TRRAP: variants seen among roughly 807,000 people sequenced by gnomAD.
TRRAP encodes the protein transformation/transcription domain associated protein.
TRRAP carries 41 observed loss-of-function variants against 438.8 expected under a neutral mutation model. That is an observed-to-expected ratio of 0.09 (90% CI 0.07 to 0.12). The LOEUF is 0.12. Ranked by LOEUF, TRRAP falls within the 10% of genes least tolerant of loss-of-function variation. The probability of loss-of-function intolerance (pLI) is 1.00; values close to 1 mark genes in which losing one functional copy is unlikely to be tolerated. For synonymous variants in TRRAP, 1,994 were observed against 1,962.9 expected, an observed-to-expected ratio of 1.02 and a Z score of -0.42; for missense variants, 3,122 against 5,055.1, an observed-to-expected ratio of 0.62 and a Z score of 11.60.
intron 32 of TRRAP, 34 bp from the exon 33 acceptor site, chr7:98,945,896 C>T: frequency 6.4e-7 from 1 of 1,555,090 alleles, no homozygotes; most frequent in Non-Finnish European, 8.6e-7. Flanking sequence ...TTTCTGTTGC[C>T]TTTTTTCATG....
intron 67 of TRRAP, among the ~76,000 whole-genome samples, chr7:99,002,698 G>A (rs1361313786): frequency 1.3e-5 from 2 of 151,984 alleles, no homozygotes; most frequent in Non-Finnish European, 1.5e-5. Flanking sequence ...AGCTTAAAAT[G>A]AAAGGGAAAC....
At chr7:98,955,518 G>A (rs375099077) in intron 41 of TRRAP, among the ~76,000 whole-genome samples, 13 of 152,302 alleles carry the variant, frequency 8.5e-5, no homozygotes, top group South Asian at 4.1e-4. Context: ...GTGTCTTTGC[G>A]TCTGAGGCTA....
chr7:99,011,995 C>A lies in TRRAP; in HGVS notation c.11338-76C>A. On this transcript the variant is annotated intron_variant, in intron 72 of 72. Transcript: ENST00000456197. The surrounding 1 kb of genome is among the most constrained non-coding windows in gnomAD (Gnocchi z 7.1). The stretch of plus-strand genomic sequence containing the variant: ...CCCTGAGCGGCCGCTGTGGTTGAGT[C>A]CCACCTTGTTAGGAAGCTGCCCCTG... 1 of 1,554,212 alleles carries A rather than the reference C, an allele frequency of 6.4e-7. No homozygotes were observed. Among genetic ancestry groups the A allele is most frequent in the Non-Finnish European group, 8.7e-7 (1 of 1,145,688 alleles).
intron 18 of TRRAP, among the ~76,000 whole-genome samples, chr7:98,914,499 T>C (rs150176275): frequency 4.6e-5 from 7 of 152,024 alleles, no homozygotes; most frequent in Admixed American, 2.0e-4. Context: ...GCATTAGATA[T>C]GACTATGCAG....
chr7:98,979,307 C>T (rs1792808005), intron 58 of TRRAP, among the ~76,000 whole-genome samples: 1 of 152,168 alleles, frequency 6.6e-6, no homozygotes, highest in Admixed American at 6.5e-5. Flanking sequence ...ACACTCAAGT[C>T]CCTGATATAA....
intron 43 of TRRAP, 142 bp from the exon 44 acceptor site, chr7:98,957,839 T>C (rs1449208697): frequency 2.8e-6 from 2 of 713,508 alleles, no homozygotes; most frequent in Non-Finnish European, 4.9e-6. Flanking sequence ...ACAGACCACA[T>C]CTGTCTTTGG....
intron 33 of TRRAP, among the ~76,000 whole-genome samples, chr7:98,947,926 C>T (rs892508950): frequency 1.3e-5 from 2 of 152,186 alleles, no homozygotes; most frequent in African/African-American, 4.8e-5. Context: ...GTCACCTTTA[C>T]CACTTGTGAG....
At chr7:98,968,379 T>G (rs564531993) in intron 51 of TRRAP, among the ~76,000 whole-genome samples, 2 of 151,966 alleles carry the variant, frequency 1.3e-5, no homozygotes, top group Non-Finnish European at 2.9e-5. Flanking sequence ...ACGCTGTCGG[T>G]TTTGGTTCCT....
At chr7:98,882,754 C>A (rs1304590273) in intron 3 of TRRAP, among the ~76,000 whole-genome samples, 2 of 152,084 alleles carry the variant, frequency 1.3e-5, no homozygotes, top group Non-Finnish European at 2.9e-5. Context: ...CTCCACCTCC[C>A]GGATTCAAGC....
At chr7:98,949,975 G>C in intron 37 of TRRAP, 89 bp from the exon 38 acceptor site, 2 of 1,581,818 alleles carry the variant, frequency 1.3e-6, no homozygotes, top group Non-Finnish European at 1.7e-6. Context: ...AATGGGCTGT[G>C]TCTCTGAGCT....
chr7:98,916,119 T>C (rs1304116270), intron 19 of TRRAP, among the ~76,000 whole-genome samples: 1 of 151,906 alleles, frequency 6.6e-6, no homozygotes, highest in African/African-American at 2.4e-5. Flanking sequence ...TCCTCAGCAT[T>C]GAATGGGATT....
In TRRAP at chr7:98,994,519, C is replaced by T. The variant is rs544093599; in HGVS notation, c.10048-68C>T. 1.4e-4 allele frequency: 226 copies of T among 1,598,242 alleles called. 1 individual carries two copies. Among genetic ancestry groups the T allele is most frequent in the South Asian group, 1.1e-3 (99 of 88,226 alleles). On this transcript the variant is annotated intron_variant, in intron 66 of 72. Coordinates refer to ENST00000456197, the MANE Select transcript of TRRAP (RefSeq NM_001375524.1). The surrounding 1 kb of genome is among the most constrained non-coding windows in gnomAD (Gnocchi z 4.8). Reference sequence around the variant, plus strand: ...GGCTGGGAGGGCCGCACTCAATAGGCGCTTTTGGCTGCTGGTTCTGGAGTG... The same window carrying T: ...GGCTGGGAGGGCCGCACTCAATAGGTGCTTTTGGCTGCTGGTTCTGGAGTG...
At position 98,890,368 on chromosome 7, in the gene TRRAP, C is replaced by T. The variant is rs143708233; in HGVS notation, c.184C>T (p.Leu62=). The T allele has an allele frequency of 1.2e-4, 198 of 1,604,772 alleles. 1 individual carries two copies. Among genetic ancestry groups the T allele is most frequent in the Non-Finnish European group, 1.6e-4 (193 of 1,177,400 alleles). The change falls in exon 4 of 73, where the codon CTA becomes TTA. Residue 62 remains leucine, a synonymous_variant. Transcript: ENST00000456197. The part of the protein sequence containing the change: ...VTSSPQYSTF[L]EHIIPRFLTF... Reference sequence around the variant, plus strand: ...GTCATCTCCTCAGTATTCTACATTCCTAGAACATATCATCCCTCGATTCCT... The same window carrying T: ...GTCATCTCCTCAGTATTCTACATTCTTAGAACATATCATCCCTCGATTCCT...
In TRRAP at chr7:98,964,653, C is replaced by T; in HGVS notation, c.6854C>T (p.Ala2285Val). The stretch of plus-strand genomic sequence containing the variant: ...GGGACCCTTATGATCCTCAAGTCTG[C>T]CTGCAGCAACAACCCCAGCTACATA... Reference protein sequence around the residue: ...LFGTLMILKSACSNNPSYIDR... With the variant: ...LFGTLMILKSVCSNNPSYIDR... Residue 2285 changes from alanine (A) to valine (V), a missense_variant, in exon 48 of 73, where the codon GCC becomes GTC. Coordinates refer to ENST00000456197, the MANE Select transcript of TRRAP (RefSeq NM_001375524.1). 6.2e-7 allele frequency: 1 copy of T among 1,613,730 alleles called. No homozygotes were observed.
Position 99,004,185 on chromosome 7 carries a change from T to G in TRRAP, c.10310-5T>G. 1 of 1,604,788 alleles carries G rather than the reference T, an allele frequency of 6.2e-7. No homozygotes were observed. The highest frequency in any genetic ancestry group is 8.5e-7 in the Non-Finnish European group (1 of 1,177,508). On this transcript the variant is annotated splice_region_variant and splice_polypyrimidine_tract_variant and intron_variant, in intron 67 of 72. Coordinates refer to ENST00000456197, the MANE Select transcript of TRRAP (RefSeq NM_001375524.1). ...AAACGTTTTTAATCATGTTTTATTTTTAAGATTTTGACTTCAGCGTTCCAG... is the reference window on the plus strand; with the variant it reads ...AAACGTTTTTAATCATGTTTTATTTGTAAGATTTTGACTTCAGCGTTCCAG...
intron 6 of TRRAP, among the ~76,000 whole-genome samples, chr7:98,894,823 G>A (rs1330926323): frequency 8.7e-6 from 1 of 114,464 alleles, no homozygotes; most frequent in African/African-American, 3.2e-5. Context: ...TTTTAGTAGA[G>A]ATGGGGTTTC....
Position 98,962,426 on chromosome 7 carries a change from C to G in TRRAP, c.6828C>G (p.Phe2276Leu), listed in dbSNP as rs200266535. ...KATNANPSQL[F>L]GTLMILKSAC... is the part of the protein sequence containing the mutation. ...CCAATGCCAATCCCTCCCAGCTCTTCGGTGAGTGTGTGTCTGTCCTGGTGT... is the reference window on the plus strand; with the variant it reads ...CCAATGCCAATCCCTCCCAGCTCTTGGGTGAGTGTGTGTCTGTCCTGGTGT... The change falls in exon 47 of 73, where the codon TTC (phenylalanine) becomes TTG (leucine). Residue 2276 changes from phenylalanine (F) to leucine (L), a missense_variant and splice_region_variant. By Grantham distance (22) the Phe-to-Leu change is conservative (BLOSUM62 0). Around this residue, in one of 24 missense-constraint regions of TRRAP, gnomAD observed 992 missense variants for 1,281.2 expected, o/e 0.77. Transcript: ENST00000456197. 1.9e-6 allele frequency: 3 copies of G among 1,614,222 alleles called. No individual in the cohort carries two copies. Among genetic ancestry groups the G allele is most frequent in the Middle Eastern group, 1.6e-4 (1 of 6,062 alleles).
chr7:98,963,907 C>A (rs1423403063), intron 47 of TRRAP, among the ~76,000 whole-genome samples: 1 of 151,812 alleles, frequency 6.6e-6, no homozygotes, highest in Admixed American at 6.6e-5. Context: ...ATGGTGAAAC[C>A]CCGTCTCTAC....
At position 98,929,810 on chromosome 7, in the gene TRRAP, G is replaced by T. The variant is rs547930618; in HGVS notation, c.3176-179G>T. On this transcript the variant is annotated intron_variant, in intron 23 of 72. Coordinates refer to ENST00000456197, the MANE Select transcript of TRRAP (RefSeq NM_001375524.1). ...GGTTTCACCATGTTGGACTAGGCTGGTCTCAAACTTCTATGTCAAGTGATC... is the reference window on the plus strand; with the variant it reads ...GGTTTCACCATGTTGGACTAGGCTGTTCTCAAACTTCTATGTCAAGTGATC... Among the ~76,000 whole-genome samples, 210 of 152,118 alleles carry T rather than the reference G, an allele frequency of 1.4e-3. 2 individuals carry two copies. Among genetic ancestry groups the T allele is most frequent in the African/African-American group, 4.9e-3 (204 of 41,496 alleles).
Sources: allele counts gnomAD v4.1 joint callset (sites outside exome capture counted in the v4.1 genomes callset), GRCh38; gene constraint gnomAD v4.1.1; regional missense constraint gnomAD v4.1.1; non-coding constraint Gnocchi (gnomAD v3.1); transcripts MANE v1.5; gene names NCBI Gene and HGNC (gene_info 2026-07-23, HGNC 2026-07-21).